Variants in RYR3 observed in about 807,000 individuals in gnomAD.
RYR3 encodes the protein brain ryanodine receptor-calcium release channel.
A neutral mutation model predicts 584.3 loss-of-function variants in RYR3; 207 were observed. That is an observed-to-expected ratio of 0.35 (90% CI 0.32 to 0.40). The LOEUF (loss-of-function observed/expected upper bound fraction) is 0.40. Ranked by LOEUF, RYR3 falls within the 10% of genes least tolerant of loss-of-function variation. The pLI is 1.00. For synonymous variants in RYR3, 2,416 were observed against 2,248.5 expected (o/e 1.07, Z -2.11); for missense variants, 5,616 against 6,089.2 (o/e 0.92, Z 2.59).
At chr15:33,612,347 G>A (rs796212921) in intron 18 of RYR3, among the ~76,000 whole-genome samples, 41 of 152,192 alleles carry the variant, frequency 2.7e-4, no homozygotes, top group Admixed American at 7.2e-4. Flanking sequence ...AGCAAACTAC[G>A]TAGCATAGTT....
chr15:33,760,434 A>G (rs2152866320), intron 60 of RYR3, among the ~76,000 whole-genome samples: 1 of 152,342 alleles, frequency 6.6e-6, no homozygotes, highest in East Asian at 1.9e-4. Flanking sequence ...GGAAAGCAAA[A>G]AAAAGCAGGG....
At chr15:33,725,795 T>TA (rs3086219) in intron 45 of RYR3, among the ~76,000 whole-genome samples, 10,780 of 130,418 alleles carry the variant, frequency 0.083, 985 homozygotes, top group African/African-American at 0.23. Context: ...CCGTCTCTAC[T>TA]AAAAAAAAAA....
intron 8 of RYR3, 26 bp from the exon 9 acceptor site, chr15:33,548,104 G>T: frequency 6.4e-7 from 1 of 1,571,480 alleles, no homozygotes; most frequent in Non-Finnish European, 8.7e-7. Context: ...ATGCAAGTAG[G>T]AGCTGATCTC....
At chr15:33,472,633 G>A (rs1278022685) in intron 1 of RYR3, among the ~76,000 whole-genome samples, 1 of 152,194 alleles carries the variant, frequency 6.6e-6, no homozygotes, top group East Asian at 1.9e-4. Context: ...TAAGGAAACT[G>A]TTTTCCTCTC....
chr15:33,417,461 T>C (rs949771048), intron 1 of RYR3, among the ~76,000 whole-genome samples: 5 of 151,996 alleles, frequency 3.3e-5, no homozygotes, highest in Non-Finnish European at 5.9e-5. Context: ...GTAAGTGAGA[T>C]TGTATCATCT....
At chr15:33,647,785 T>C (rs1259215248) in intron 30 of RYR3, among the ~76,000 whole-genome samples, 8 of 152,174 alleles carry the variant, frequency 5.3e-5, no homozygotes, top group African/African-American at 1.9e-4. Flanking sequence ...TTAAATCTTT[T>C]GGTTTGCCTT....
intron 66 of RYR3, among the ~76,000 whole-genome samples, 185 bp from the exon 67 acceptor site, chr15:33,788,033 G>A (rs543938045): frequency 5.9e-5 from 9 of 152,258 alleles, no homozygotes; most frequent in South Asian, 4.1e-4. Context: ...TAGTGGCCTC[G>A]GTTCCCCATC....
At position 33,795,456 on chromosome 15, in the gene RYR3, A is replaced by G. The variant is rs2075555437; in HGVS notation, c.9831-5314A>G. Among the ~76,000 whole-genome samples, 6 of 132,132 alleles carry G rather than the reference A, an allele frequency of 4.5e-5. No homozygotes were observed. The South Asian group carries it at 1.4e-3, about 31-fold the overall frequency. The allele number at this position is 132,132 out of a possible 152,430, so 86.7% of individuals were successfully genotyped here. On this transcript the variant is annotated intron_variant, in intron 67 of 103. Coordinates refer to ENST00000634891, the MANE Select transcript of RYR3 (RefSeq NM_001036.6). ...GCCAGCCAGGCTAGAGTGCAGTGGC[A>G]TGATCTTGGCTCACTGTAACCTCTG...
chr15:33,470,277 T>C (rs1291941555), intron 1 of RYR3, among the ~76,000 whole-genome samples: 2 of 152,204 alleles, frequency 1.3e-5, no homozygotes, highest in African/African-American at 4.8e-5. Flanking sequence ...TTGTTTCTCT[T>C]TCTTTTAAAG....
chr15:33,384,601 GCA>G (rs10659855), intron 1 of RYR3, among the ~76,000 whole-genome samples: 185 of 145,292 alleles, frequency 1.3e-3, no homozygotes, highest in African/African-American at 3.9e-3. Context: ...ATCTATATAT[GCA>G]CACACACACA....
In RYR3 at chr15:33,434,291, C is replaced by T. The variant is rs187347544; in HGVS notation, c.52-39128C>T. Reference sequence around the variant, plus strand: ...TTTGTTGGTTGTTTGCCAGTTACAGCGTCAGAAGTTTGCTCTGCAAATCAC... The same window carrying T: ...TTTGTTGGTTGTTTGCCAGTTACAGTGTCAGAAGTTTGCTCTGCAAATCAC... On this transcript the variant is annotated intron_variant, in intron 1 of 103. Transcript: ENST00000634891. Among the ~76,000 whole-genome samples the T allele has an allele frequency of 3.0e-4, 45 of 151,846 alleles. No homozygotes were observed. In the East Asian group the frequency reaches 8.4e-3, roughly 28 times the overall value.
intron 78 of RYR3, 90 bp from the exon 79 acceptor site, chr15:33,821,180 A>T: frequency 2.0e-6 from 2 of 980,972 alleles, no homozygotes; most frequent in Non-Finnish European, 3.1e-6. Flanking sequence ...TTCCTTAGGT[A>T]ACTGGAAAAT....
At chr15:33,531,848 A>G (rs1447608029) in intron 4 of RYR3, among the ~76,000 whole-genome samples, 1 of 152,114 alleles carries the variant, frequency 6.6e-6, no homozygotes, top group Non-Finnish European at 1.5e-5. Flanking sequence ...ATCTTTCAGA[A>G]TCTGGTGTTT....
intron 60 of RYR3, among the ~76,000 whole-genome samples, chr15:33,766,295 A>AAAG (rs1469739345): frequency 6.6e-6 from 1 of 151,278 alleles, no homozygotes; most frequent in Non-Finnish European, 1.5e-5. Context: ...AAAGAAAAAA[A>AAAG]AAAAAAGAAA....
At chr15:33,485,203 A>G (rs2050305568) in intron 2 of RYR3, among the ~76,000 whole-genome samples, 1 of 152,246 alleles carries the variant, frequency 6.6e-6, no homozygotes, top group East Asian at 1.9e-4. Flanking sequence ...ATAAAGTGAC[A>G]TGGAGGCCAG....
chr15:33,506,485 A>G (rs972584281), intron 3 of RYR3, among the ~76,000 whole-genome samples: 1 of 152,098 alleles, frequency 6.6e-6, no homozygotes, highest in African/African-American at 2.4e-5. Flanking sequence ...CTTTTGTTCT[A>G]TTTTTGCCAA....
chr15:33,542,363 A>G (rs2055890695), intron 7 of RYR3, among the ~76,000 whole-genome samples: 1 of 152,164 alleles, frequency 6.6e-6, no homozygotes, highest in Non-Finnish European at 1.5e-5. Context: ...CCTCTCCATC[A>G]TGAGATGAAC....
intron 5 of RYR3, among the ~76,000 whole-genome samples, chr15:33,535,551 A>T (rs2055254747): frequency 6.6e-6 from 1 of 152,228 alleles, no homozygotes; most frequent in Non-Finnish European, 1.5e-5. Flanking sequence ...CACACTCTGA[A>T]TATACACTTC....
rs1006578196 is a variant in RYR3 at position 33,338,942 on chromosome 15, G to C, written c.51+27846G>C. Among the ~76,000 whole-genome samples the C allele has an allele frequency of 2.0e-5, 3 of 152,132 alleles. No homozygotes were observed. The South Asian group carries it at 6.2e-4, about 32-fold the overall frequency. On this transcript the variant is annotated intron_variant, in intron 1 of 103. Coordinates refer to ENST00000634891, the MANE Select transcript of RYR3 (RefSeq NM_001036.6). ...TACATACACACTGTAAAACTATAAA[G>C]GAAAGCAAGAGACTGACAAAACTGC... is the stretch of plus-strand genomic sequence containing the variant.
Sources: allele counts gnomAD v4.1 joint callset (sites outside exome capture counted in the v4.1 genomes callset), GRCh38; gene constraint gnomAD v4.1.1; transcripts MANE v1.5; gene names NCBI Gene and HGNC (gene_info 2026-07-23, HGNC 2026-07-21).